TMLHE: variants seen among roughly 807,000 people sequenced by gnomAD.
TMLHE encodes the protein trimethyllysine hydroxylase, epsilon, also known as trimethyllysine dioxygenase, mitochondrial.
A neutral mutation model predicts 25.7 loss-of-function variants in TMLHE; 18 were observed. That is an observed-to-expected ratio of 0.70 (90% CI 0.48 to 1.04). The LOEUF (loss-of-function observed/expected upper bound fraction) is 1.04. TMLHE is among the 50% of genes least tolerant of loss of function. TMLHE has a pLI of 0.00. For synonymous variants in TMLHE, 105 were observed against 97.0 expected (o/e 1.08, Z -0.49); for missense variants, 236 against 259.0 (o/e 0.91, Z 0.61).
chrX:155,602,703 A>C (rs1300250170), intron 1 of TMLHE, among the ~76,000 whole-genome samples: 1 of 111,438 alleles, frequency 9.0e-6, no homozygotes, highest in Admixed American at 9.5e-5. Flanking sequence ...ACACACACAC[A>C]ATATTAAAAC....
At chrX:155,581,330 C>T (rs1273999123) in intron 1 of TMLHE, among the ~76,000 whole-genome samples, 1 of 111,432 alleles carries the variant, frequency 9.0e-6, no homozygotes, top group African/African-American at 3.3e-5. Flanking sequence ...CCAGGGCAAT[C>T]AGGCAGGAGA....
At chrX:155,538,958 C>T (rs2067295868) in intron 2 of TMLHE, among the ~76,000 whole-genome samples, 1 of 111,234 alleles carries the variant, frequency 9.0e-6, no homozygotes, top group Non-Finnish European at 1.9e-5. Flanking sequence ...CTCCTTCCCC[C>T]ATGGTTTGAA....
chrX:155,544,134 G>C (rs1557338465), intron 2 of TMLHE, among the ~76,000 whole-genome samples: 1 of 111,427 alleles, frequency 9.0e-6, no homozygotes, highest in African/African-American at 3.3e-5. Flanking sequence ...TGCATAGTGG[G>C]CCTGTGTCTT....
At chrX:155,586,142 G>T (rs1311816139) in intron 1 of TMLHE, among the ~76,000 whole-genome samples, 3 of 108,968 alleles carry the variant, frequency 2.8e-5, no homozygotes, top group East Asian at 5.8e-4. Context: ...CAGGAGAATT[G>T]CTTGAACCTG....
chrX:155,548,720 G>C (rs782529666), intron 1 of TMLHE, among the ~76,000 whole-genome samples: 6 of 104,190 alleles, frequency 5.8e-5, no homozygotes, highest in Admixed American at 4.0e-4. Flanking sequence ...GGGCGACAGA[G>C]TGAGACTCTG....
intron 1 of TMLHE, among the ~76,000 whole-genome samples, chrX:155,551,413 C>T (rs943840226): frequency 2.2e-5 from 2 of 90,820 alleles, no homozygotes; most frequent in Admixed American, 2.7e-4. Flanking sequence ...ATTGCTGGGT[C>T]AAATCGTAAT....
rs782085144 is a variant in TMLHE, at chrX:155,570,942, C to T, written c.-1-25665G>A. On this transcript the variant is annotated intron_variant, in intron 1 of 7. Transcript: ENST00000334398. Reference sequence around the variant, plus strand: ...AAAGAACTAGAAAAGCAAGAGCAAACACATTCAAAAGCTAGCAGAAGGCAA... The same window carrying T: ...AAAGAACTAGAAAAGCAAGAGCAAATACATTCAAAAGCTAGCAGAAGGCAA... Among the ~76,000 whole-genome samples the T allele has an allele frequency of 1.1e-3, 60 of 56,650 alleles. 11 individuals are homozygous for T. The highest frequency in any genetic ancestry group is 2.3e-3 in the African/African-American group (54 of 23,649). 49.2% of individuals were successfully genotyped at this position (56,650 alleles called of 115,157 possible).
In TMLHE at chrX:155,556,228, TTCA is replaced by T. The variant is rs1557340792; in HGVS notation, c.-1-10954_-1-10952del. On this transcript the variant is annotated intron_variant, in intron 1 of 7. Coordinates refer to ENST00000334398, the MANE Select transcript of TMLHE (RefSeq NM_018196.4). ...AGTCCTATGGTTACAAGGAACTGAA[TTCA>T]GCCAACCAGAAAGGAATGTAGCCTG... is the stretch of plus-strand genomic sequence containing the variant. Among the ~76,000 whole-genome samples the T allele has an allele frequency of 4.6e-3, 107 of 23,084 alleles. 1 individual carries two copies. The highest frequency in any genetic ancestry group is 8.7e-3 in the African/African-American group (103 of 11,896). The allele number at this position is 23,084 out of a possible 115,157, so 20.0% of individuals were successfully genotyped here. A position where few individuals can be genotyped will look rare whatever the true frequency, so the allele number is the denominator to read the frequency against.
At chrX:155,604,582 G>A (rs782555919) in intron 1 of TMLHE, among the ~76,000 whole-genome samples, 2 of 111,849 alleles carry the variant, frequency 1.8e-5, no homozygotes, top group East Asian at 5.6e-4. Flanking sequence ...CAAAGCCTGA[G>A]CTCATCTGAA....
At chrX:155,576,556 C>T (rs782422327) in intron 1 of TMLHE, among the ~76,000 whole-genome samples, 16 of 111,634 alleles carry the variant, frequency 1.4e-4, no homozygotes, top group Non-Finnish European at 3.0e-4. Flanking sequence ...CCAAAACAAT[C>T]GTAAGGAAAA....
chrX:155,549,799 A>G (rs1450583285), intron 1 of TMLHE, among the ~76,000 whole-genome samples: 1 of 109,734 alleles, frequency 9.1e-6, no homozygotes. Flanking sequence ...ACATAGGTAT[A>G]CAAACCATGG....
Position 155,580,688 on chromosome X carries a change from A to G in TMLHE, c.-2+32104T>C, listed in dbSNP as rs184711697. Among the ~76,000 whole-genome samples, 820 of 111,720 alleles carry G rather than the reference A, an allele frequency of 7.3e-3. 2 individuals are homozygous for G. The highest frequency in any genetic ancestry group is 0.012 in the Non-Finnish European group (640 of 53,097). On this transcript the variant is annotated intron_variant, in intron 1 of 7. Transcript: ENST00000334398. ...TAGCAGAAGGTGAAAGACACATCTC[A>G]TGTGGCAGCAGACAAGAGAAGAGGG...
chrX:155,606,266 A>G (rs1482623479), intron 1 of TMLHE, among the ~76,000 whole-genome samples: 2 of 111,816 alleles, frequency 1.8e-5, no homozygotes, highest in African/African-American at 6.5e-5. Flanking sequence ...CATCTACACA[A>G]CAATCCACCC....
chrX:155,542,511 C>A (rs1557338331), intron 2 of TMLHE, among the ~76,000 whole-genome samples: 1 of 111,369 alleles, frequency 9.0e-6, no homozygotes, highest in African/African-American at 3.3e-5. Flanking sequence ...AGAAAAAAAC[C>A]TTCCTAAAAG....
intron 3 of TMLHE, among the ~76,000 whole-genome samples, chrX:155,522,314 C>G (rs1464979373): frequency 9.0e-6 from 1 of 111,338 alleles, no homozygotes; most frequent in Non-Finnish European, 1.9e-5. Flanking sequence ...CCCATGAGCT[C>G]TTCCCCTTCC....
chrX:155,547,475 A>G (rs1557338971), intron 1 of TMLHE, among the ~76,000 whole-genome samples: 1 of 111,858 alleles, frequency 8.9e-6, no homozygotes, highest in African/African-American at 3.3e-5. Context: ...TTAAGATACA[A>G]ACATAAATAA....
chrX:155,547,166 A>ACACTAGCAT, intron 1 of TMLHE, among the ~76,000 whole-genome samples: 2 of 104,007 alleles, frequency 1.9e-5, no homozygotes, highest in South Asian at 8.8e-4. Flanking sequence ...TTTTTTTGAG[A>ACACTAGCAT]CGGAGTCTTG....
At chrX:155,559,250 C>T (rs963286289) in intron 1 of TMLHE, among the ~76,000 whole-genome samples, 4 of 111,152 alleles carry the variant, frequency 3.6e-5, no homozygotes, top group African/African-American at 9.8e-5. Flanking sequence ...TACAAATATG[C>T]ATTTCTACAA....
At chrX:155,568,810 AT>A (rs1212536154) in intron 1 of TMLHE, among the ~76,000 whole-genome samples, 1 of 61,314 alleles carries the variant, frequency 1.6e-5, no homozygotes, top group East Asian at 7.1e-4. Flanking sequence ...AACAGAAAGG[AT>A]ATCCACACCA....
Sources: gnomAD v4.1 joint callset for allele counts (sites outside exome capture counted in the v4.1 genomes callset) on GRCh38, gnomAD v4.1.1 for gene constraint, MANE v1.5 for transcripts, NCBI Gene and HGNC (gene_info 2026-07-23, HGNC 2026-07-21) for gene names.